ZNF385D: variants seen among roughly 807,000 people sequenced by gnomAD.
ZNF385D encodes zinc finger protein 659.
In ZNF385D, 15 loss-of-function variants were observed where a neutral mutation model predicts 35.8. The ratio of observed to expected loss-of-function variants is 0.42; its 90% CI spans 0.28 to 0.64. The LOEUF is 0.64. ZNF385D is among the 30% of genes least tolerant of loss of function. The pLI is 0.23. For synonymous variants in ZNF385D, 212 were observed against 186.8 expected, an observed-to-expected ratio of 1.13 and a Z score of -1.10; for missense variants, 474 against 494.6, an observed-to-expected ratio of 0.96 and a Z score of 0.39.
chr3:21,962,857 T>C (rs562751831), intron 3 of ZNF385D, among the ~76,000 whole-genome samples: 17 of 152,328 alleles, frequency 1.1e-4, no homozygotes, highest in East Asian at 3.9e-4. Context: ...AAAGTTAAAA[T>C]TGATTTTCAT....
At chr3:21,959,652 G>A (rs527581141) in intron 3 of ZNF385D, among the ~76,000 whole-genome samples, 1 of 152,292 alleles carries the variant, frequency 6.6e-6, no homozygotes, top group South Asian at 2.1e-4. Context: ...CACCATGGAA[G>A]ATGGGGCTAG....
intron 3 of ZNF385D, among the ~76,000 whole-genome samples, chr3:22,077,126 G>A (rs775042584): frequency 6.6e-6 from 1 of 152,004 alleles, no homozygotes; most frequent in East Asian, 1.9e-4. Flanking sequence ...AGCATTAACA[G>A]TGTTAGTAAA....
chr3:22,372,571 G>A (rs777062289), exon 2 of ZNF385D: 3 of 982,322 alleles, frequency 3.1e-6, no homozygotes, highest in Non-Finnish European at 3.6e-6. Context: ...AGGAGCAGCC[G>A]CCGGGGCTGG....
At chr3:21,914,212 G>A (rs1172978475) in intron 3 of ZNF385D, among the ~76,000 whole-genome samples, 1 of 152,086 alleles carries the variant, frequency 6.6e-6, no homozygotes, top group Admixed American at 6.6e-5. Flanking sequence ...ATTCAAGCAT[G>A]ACATAATGTG....
intron 3 of ZNF385D, among the ~76,000 whole-genome samples, chr3:21,949,141 C>T (rs1426906811): frequency 6.6e-6 from 1 of 152,140 alleles, no homozygotes; most frequent in Non-Finnish European, 1.5e-5. Context: ...TTATCATCTG[C>T]TTAATTTTTT....
chr3:21,832,546 G>A (rs1253890763), intron 3 of ZNF385D, among the ~76,000 whole-genome samples: 1 of 152,126 alleles, frequency 6.6e-6, no homozygotes, highest in Non-Finnish European at 1.5e-5. Context: ...CCTTTTCTAG[G>A]AACATCTCCC....
chr3:21,650,024 A>T (rs1051690595), intron 2 of ZNF385D, among the ~76,000 whole-genome samples: 12 of 152,072 alleles, frequency 7.9e-5, no homozygotes, highest in African/African-American at 2.9e-4. Flanking sequence ...AATAACTAGA[A>T]ATGGAAACAA....
At chr3:22,113,838 A>G (rs1702667982) in intron 3 of ZNF385D, among the ~76,000 whole-genome samples, 1 of 152,132 alleles carries the variant, frequency 6.6e-6, no homozygotes, top group Non-Finnish European at 1.5e-5. Context: ...GATTGAATAC[A>G]TCAATAGAGA....
intron 3 of ZNF385D, among the ~76,000 whole-genome samples, chr3:21,920,267 C>T (rs957248534): frequency 6.6e-5 from 10 of 152,140 alleles, no homozygotes; most frequent in African/African-American, 2.4e-4. Context: ...TGACTTAACA[C>T]TATGACCAGG....
intron 3 of ZNF385D, among the ~76,000 whole-genome samples, chr3:22,095,938 CTT>C (rs1292725946): frequency 1.3e-5 from 2 of 151,582 alleles, no homozygotes; most frequent in Non-Finnish European, 2.9e-5. Context: ...ACACAATGAA[CTT>C]TTTTGAGAGA....
At position 21,825,814 on chromosome 3, in the gene ZNF385D, C is replaced by G. The variant is rs187509497; in HGVS notation, c.326-160786G>C. On this transcript the variant is annotated intron_variant, in intron 3 of 5. Coordinates refer to the ZNF385D transcript ENST00000494108. ...GGGCTGCGGACCAGAACCAGTCCCT[C>G]GCTTGTTAGGAACCAGGCTAGGCTG... 7.9e-4 allele frequency among the ~76,000 whole-genome samples: 121 copies of G among 152,316 alleles called. 1 individual carries two copies. The East Asian group carries it at 0.016, about 20-fold the overall frequency.
chr3:21,981,123 G>A (rs926176105), intron 3 of ZNF385D, among the ~76,000 whole-genome samples: 1 of 152,218 alleles, frequency 6.6e-6, no homozygotes, highest in East Asian at 1.9e-4. Context: ...TGTACTTTTA[G>A]CTCACTGAGG....
At chr3:21,824,441 GGT>G (rs143614326) in intron 3 of ZNF385D, among the ~76,000 whole-genome samples, 34,034 of 144,220 alleles carry the variant, frequency 0.24, 4,283 homozygotes, top group East Asian at 0.4. Context: ...TTCTTTAAAA[GGT>G]CTCTCCCTTT....
chr3:21,844,620 A>T (rs1695884347), intron 3 of ZNF385D, among the ~76,000 whole-genome samples: 1 of 152,016 alleles, frequency 6.6e-6, no homozygotes, highest in Admixed American at 6.6e-5. Flanking sequence ...CATGGTAAAC[A>T]TTCAATCCAA....
chr3:22,082,196 C>T (rs550890619), intron 3 of ZNF385D, among the ~76,000 whole-genome samples: 2 of 152,028 alleles, frequency 1.3e-5, no homozygotes, highest in East Asian at 3.9e-4. Context: ...CTCACTGGGA[C>T]AGGTTGGACA....
At chr3:21,852,622 T>G (rs1696452616) in intron 3 of ZNF385D, among the ~76,000 whole-genome samples, 1 of 151,948 alleles carries the variant, frequency 6.6e-6, no homozygotes, top group East Asian at 1.9e-4. Context: ...ATTACTATCC[T>G]GAGCATAGCA....
At chr3:21,929,550 A>C (rs527556709) in intron 3 of ZNF385D, among the ~76,000 whole-genome samples, 2 of 152,112 alleles carry the variant, frequency 1.3e-5, no homozygotes, top group Non-Finnish European at 2.9e-5. Context: ...ATTTATGTAG[A>C]ACATTCTAAA....
intron 2 of ZNF385D, among the ~76,000 whole-genome samples, chr3:22,336,370 C>CTG: frequency 6.6e-6 from 1 of 152,074 alleles, no homozygotes; most frequent in Non-Finnish European, 1.5e-5. Context: ...AACTAAAAAG[C>CTG]TATTCAACTG....
At chr3:21,838,307 G>C (rs908712042) in intron 3 of ZNF385D, among the ~76,000 whole-genome samples, 1 of 152,044 alleles carries the variant, frequency 6.6e-6, no homozygotes, top group Non-Finnish European at 1.5e-5. Context: ...TTTCAAGACA[G>C]GTACTTGGAG....
Sources: allele counts gnomAD v4.1 joint callset (sites outside exome capture counted in the v4.1 genomes callset), GRCh38; gene constraint gnomAD v4.1.1; transcripts MANE v1.5; gene names NCBI Gene and HGNC (gene_info 2026-07-23, HGNC 2026-07-21).